The following USP54 variants were observed in gnomAD, a reference collection of about 807,000 sequenced individuals.
USP54 encodes ubiquitin carboxyl-terminal hydrolase 54.
USP54 carries 87 observed loss-of-function variants against 170.5 expected under a neutral mutation model. The ratio of observed to expected loss-of-function variants is 0.51; its 90% CI spans 0.43 to 0.61. The LOEUF (loss-of-function observed/expected upper bound fraction) is 0.61. USP54 is among the 20% of genes least tolerant of loss of function. The pLI is 0.00. For missense variants in USP54, 1,786 were observed against 2,047.8 expected, an observed-to-expected ratio of 0.87 and a Z score of 2.47; for synonymous variants, 655 against 742.8, an observed-to-expected ratio of 0.88 and a Z score of 1.92.
chr10:73,592,471 C>CAAAAAAAAAAAAAAAAA (rs367984467), upstream of USP54, among the ~76,000 whole-genome samples: 6 of 67,354 alleles, frequency 8.9e-5, no homozygotes, highest in Non-Finnish European at 2.0e-4. Flanking sequence ...GAAAGTGCCA[C>CAAAAAAAAAAAAAAAAA]AAAAAAAAAA....
rs530336453 is a variant in USP54 at position 73,512,649 on chromosome 10, T to C, written c.4051+3726A>G. Among the ~76,000 whole-genome samples the C allele has an allele frequency of 1.9e-4, 29 of 152,238 alleles. No individual in the cohort carries two copies. The South Asian group carries it at 6.0e-3, about 32-fold the overall frequency. ...GATTTTCCTGCCTCAGTCTCCCAAG[T>C]AGCTGGGGTTACAGGCATGAGTCAT... On this transcript the variant is annotated intron_variant, in intron 20 of 23. Transcript: ENST00000687698.
chr10:73,547,094 T>G (rs1335803743), intron 4 of USP54, among the ~76,000 whole-genome samples: 1 of 152,224 alleles, frequency 6.6e-6, no homozygotes, highest in Non-Finnish European at 1.5e-5. Flanking sequence ...CATCTTTACC[T>G]ACATCTGAAC....
chr10:73,606,615 A>C (rs990189470), intron 1 of USP54: 4 of 152,338 alleles, frequency 2.6e-5, no homozygotes, highest in African/African-American at 9.6e-5. Context: ...GCAGTGGCTC[A>C]CGCCTGTAAT....
In USP54 at chr10:73,543,108, G is replaced by A. The variant is rs767864411; in HGVS notation, c.399C>T (p.His133=). ...ECFENLLMRI[H]FHIADETKED... ...CTTTGGTTTCATCAGCAATGTGGAA[G>A]TGAATTCTCATCAGGAGGTTTTCCT... The change falls in exon 6 of 24, where the codon CAC becomes CAT. Residue 133 remains histidine (H), a synonymous_variant. Coordinates refer to ENST00000687698, the MANE Select transcript of USP54 (RefSeq NM_001391956.1). 17 of 1,613,946 alleles carry A rather than the reference G, an allele frequency of 1.1e-5. No homozygotes were observed. Among genetic ancestry groups the A allele is most frequent in the Middle Eastern group, 3.3e-4 (2 of 6,084 alleles).
At chr10:73,501,029 A>G (rs189557400) in intron 22 of USP54, among the ~76,000 whole-genome samples, 191 bp from the exon 23 acceptor site, 2 of 152,266 alleles carry the variant, frequency 1.3e-5, no homozygotes, top group East Asian at 3.9e-4. Flanking sequence ...AAGAAACTGC[A>G]AACTTCAGAT....
intron 12 of USP54, among the ~76,000 whole-genome samples, chr10:73,533,045 G>A (rs562596130): frequency 1.3e-5 from 2 of 152,254 alleles, no homozygotes; most frequent in South Asian, 2.1e-4. Context: ...GGTGGCTCAC[G>A]CCTGTAATCC....
chr10:73,592,041 TCCAC>T (rs922965998), upstream of USP54, among the ~76,000 whole-genome samples: 4 of 151,952 alleles, frequency 2.6e-5, no homozygotes, highest in Admixed American at 2.6e-4. Context: ...GGGAAAGATC[TCCAC>T]CCCTCTCTCG....
At position 73,498,626 on chromosome 10, in the gene USP54, CCTT is replaced by C; in HGVS notation, c.5055_*2del. 6.6e-7 allele frequency: 1 copy of C among 1,525,476 alleles called. No individual in the cohort carries two copies. Among genetic ancestry groups the C allele is most frequent in the Non-Finnish European group, 8.8e-7 (1 of 1,136,614 alleles). 94.5% of individuals were successfully genotyped at this position (1,525,476 alleles called of 1,614,324 possible). ...TAGCTCCAGGAAAGGAAAGGAATAA[CCTT>C]TACCATTGACTGTGCTGCAGGACTC... On this transcript the variant is annotated stop_retained_variant and 3_prime_UTR_variant, in exon 24 of 24. Transcript: ENST00000687698.
intron 17 of USP54, among the ~76,000 whole-genome samples, chr10:73,522,258 T>C (rs1219071086): frequency 1.3e-5 from 2 of 152,272 alleles, no homozygotes; most frequent in East Asian, 1.9e-4. Flanking sequence ...AGTTCTCTCA[T>C]AATATTTGTA....
chr10:73,527,181 C>G (rs2063024928), intron 15 of USP54, among the ~76,000 whole-genome samples: 1 of 152,144 alleles, frequency 6.6e-6, no homozygotes, highest in South Asian at 2.1e-4. Context: ...TATAATCATG[C>G]TTTTCAAAGC....
At chr10:73,572,024 A>G (rs2075293792) in intron 3 of USP54, among the ~76,000 whole-genome samples, 1 of 152,196 alleles carries the variant, frequency 6.6e-6, no homozygotes, top group South Asian at 2.1e-4. Context: ...GAAATGGGAA[A>G]AAAATATGAT....
At position 73,498,973 on chromosome 10, in the gene USP54, T is replaced by G. The variant is rs2057483611; in HGVS notation, c.4711A>C (p.Thr1571Pro). The G allele has an allele frequency of 1.2e-6, 2 of 1,613,982 alleles. No individual in the cohort carries two copies. Among genetic ancestry groups the G allele is most frequent in the African/African-American group, 2.7e-5 (2 of 74,858 alleles). ...AGGCCCTTGCTTCTTTCTGGTAGTG[T>G]GGCAGTGTAGGTTAGTTGAGGATTG... ...GCNPQLTYTA[T>P]LPERSKGLQV... Residue 1571 changes from threonine (T) to proline (P), a missense_variant, in exon 24 of 24, where the codon ACA becomes CCA. This residue lies in a region of USP54 where 1,418 missense variants were observed against 1,569.0 expected (regional missense o/e 0.90). Coordinates refer to ENST00000687698, the MANE Select transcript of USP54 (RefSeq NM_001391956.1).
chr10:73,535,309 T>C (rs1359598923), intron 11 of USP54, among the ~76,000 whole-genome samples: 2 of 152,040 alleles, frequency 1.3e-5, no homozygotes, highest in African/African-American at 4.8e-5. Context: ...CTAGCTGAGA[T>C]AAGCATAATA....
intron 4 of USP54, among the ~76,000 whole-genome samples, chr10:73,562,613 A>G (rs540810766): frequency 1.3e-5 from 2 of 152,286 alleles, no homozygotes; most frequent in African/African-American, 4.8e-5. Context: ...AAGTTGCTGC[A>G]TGCAGCTGCA....
intron 4 of USP54, among the ~76,000 whole-genome samples, chr10:73,563,693 T>A (rs544945750): frequency 3.3e-4 from 51 of 152,292 alleles, no homozygotes; most frequent in African/African-American, 1.2e-3. Context: ...CGCCTCGGCC[T>A]CCCAAAGTGC....
intron 4 of USP54, among the ~76,000 whole-genome samples, chr10:73,547,076 A>G (rs574936154): frequency 2.6e-5 from 4 of 152,240 alleles, no homozygotes; most frequent in Admixed American, 1.3e-4. Context: ...AATTAAATGT[A>G]TCTTTTCCAT....
chr10:73,530,119 A>G (rs752561606), intron 14 of USP54, 24 bp downstream of exon 14: 25 of 1,572,626 alleles, frequency 1.6e-5, no homozygotes, highest in East Asian at 2.2e-5. Context: ...CAAAAGCCCA[A>G]TTCTTCCCTA....
chr10:73,524,311 G>A (rs2062466695), intron 16 of USP54, among the ~76,000 whole-genome samples: 1 of 151,798 alleles, frequency 6.6e-6, no homozygotes, highest in Non-Finnish European at 1.5e-5. Flanking sequence ...CGGGCATGGT[G>A]ACTCACGCCT....
Position 73,504,951 on chromosome 10 carries a change from C to T in USP54, c.4210G>A (p.Asp1404Asn), listed in dbSNP as rs541232791. Residue 1404 changes from aspartate to asparagine, a missense_variant, in exon 22 of 24, where the codon GAT becomes AAT. By Grantham distance (23) the Asp-to-Asn change is conservative. This residue lies in a region of USP54 where 1,418 missense variants were observed against 1,569.0 expected (regional missense o/e 0.90). Transcript: ENST00000687698. ...CRGLSRECGE[D>N]EQYSAENLRR... Reference sequence around the variant, plus strand: ...AAATTCTCTGCACTGTACTGCTCATCCTCCCCACACTCCCTGCTGAGGCCT... The same window carrying T: ...AAATTCTCTGCACTGTACTGCTCATTCTCCCCACACTCCCTGCTGAGGCCT... 1.2e-5 allele frequency: 20 copies of T among 1,614,134 alleles called. No homozygotes were observed. The African/African-American group carries it at 1.6e-4, about 13-fold the overall frequency.
Sources: gnomAD v4.1 joint callset for allele counts (sites outside exome capture counted in the v4.1 genomes callset) on GRCh38, gnomAD v4.1.1 for gene constraint, gnomAD v4.1.1 regional missense constraint, MANE v1.5 for transcripts, NCBI Gene and HGNC (gene_info 2026-07-23, HGNC 2026-07-21) for gene names.